The following CDON variants were observed in gnomAD, a reference collection of about 807,000 sequenced individuals.
CDON encodes cell adhesion molecule-related/down-regulated by oncogenes.
In CDON, 73 loss-of-function variants were observed where a neutral mutation model predicts 120.9. The ratio of observed to expected loss-of-function variants is 0.60; its 90% CI spans 0.50 to 0.73. The LOEUF is 0.73. Among genes scored for constraint, CDON ranks in the 30% least tolerant of loss-of-function variants. CDON has a pLI of 0.00. For missense variants in CDON, 1,470 were observed against 1,587.3 expected (o/e 0.93, Z 1.26); for synonymous variants, 566 against 573.5 (o/e 0.99, Z 0.19).
intron 1 of CDON, among the ~76,000 whole-genome samples, chr11:126,043,165 C>CA (rs1230687646): frequency 1.3e-5 from 2 of 152,166 alleles, no homozygotes; most frequent in Non-Finnish European, 2.9e-5. Context: ...TATAACTTTG[C>CA]AAAAAGCAAC....
chr11:126,044,354 C>A (rs930436493), intron 1 of CDON, among the ~76,000 whole-genome samples: 8 of 152,044 alleles, frequency 5.3e-5, no homozygotes, highest in Non-Finnish European at 8.8e-5. Flanking sequence ...TAACAGACTA[C>A]GGTAAGATCT....
intron 1 of CDON, among the ~76,000 whole-genome samples, chr11:126,058,272 T>C (rs993481511): frequency 5.3e-5 from 8 of 152,200 alleles, no homozygotes; most frequent in South Asian, 4.1e-4. Context: ...TTCCAACAGA[T>C]ATACAGCAGA....
At chr11:126,059,101 T>C (rs527921453) in intron 1 of CDON, among the ~76,000 whole-genome samples, 1 of 152,364 alleles carries the variant, frequency 6.6e-6, no homozygotes, top group Admixed American at 6.5e-5. Context: ...TGCAAAACCA[T>C]TTGTTTCACA....
At chr11:126,016,745 T>TA (rs1947479526) in intron 6 of CDON, among the ~76,000 whole-genome samples, 1 of 152,188 alleles carries the variant, frequency 6.6e-6, no homozygotes. Context: ...TACTCTGTCT[T>TA]AGTTACTATT....
chr11:126,023,304 T>G lies in CDON; in HGVS notation c.76+97A>C, dbSNP rs550636197. On this transcript the variant is annotated intron_variant, in intron 2 of 19. Transcript: ENST00000531738. ...AACCAATCTTAGAAACATCTTTAGA[T>G]AGCACCATTATCACAAAGCATTGAA... 8 of 840,730 alleles carry G rather than the reference T, an allele frequency of 9.5e-6. No homozygotes were observed. The South Asian group carries it at 1.1e-4, about 11-fold the overall frequency. 52.1% of individuals were successfully genotyped at this position (840,730 alleles called of 1,614,324 possible).
intron 5 of CDON, among the ~76,000 whole-genome samples, chr11:126,017,868 G>C (rs1205447941): frequency 6.6e-6 from 1 of 151,924 alleles, no homozygotes; most frequent in African/African-American, 2.4e-5. Flanking sequence ...CATTTTTAAA[G>C]CATGTACAGA....
At chr11:125,992,056 G>A (rs1211464493) in intron 14 of CDON, among the ~76,000 whole-genome samples, 1 of 152,152 alleles carries the variant, frequency 6.6e-6, no homozygotes, top group Non-Finnish European at 1.5e-5. Flanking sequence ...TGATGAGAGA[G>A]AGAAAAACAG....
chr11:125,977,090 A>C (rs1156348923), intron 18 of CDON, among the ~76,000 whole-genome samples: 1 of 152,218 alleles, frequency 6.6e-6, no homozygotes, highest in East Asian at 1.9e-4. Flanking sequence ...CCAGGTCTTT[A>C]GCACGTTGCC....
At chr11:126,050,228 C>CA (rs11439468) in intron 1 of CDON, among the ~76,000 whole-genome samples, 30,896 of 146,982 alleles carry the variant, frequency 0.21, 3,454 homozygotes, top group East Asian at 0.29. Flanking sequence ...AGCAAAAAAA[C>CA]AAAAAAAAAG....
chr11:126,049,453 C>T (rs898725069), intron 1 of CDON, among the ~76,000 whole-genome samples: 1 of 152,194 alleles, frequency 6.6e-6, no homozygotes, highest in African/African-American at 2.4e-5. Flanking sequence ...CACTCCACTG[C>T]TATTACAACT....
At chr11:126,033,964 T>A (rs1948022690) in intron 1 of CDON, among the ~76,000 whole-genome samples, 1 of 152,044 alleles carries the variant, frequency 6.6e-6, no homozygotes, top group Admixed American at 6.6e-5. Context: ...AACATATAAA[T>A]CTCATCAAAG....
At position 125,959,708 on chromosome 11, in the gene CDON, G is replaced by C. The variant is rs1021743258; in HGVS notation, c.*1234C>G. The C allele has an allele frequency of 1.1e-4, 16 of 152,124 alleles. No homozygotes were observed. Among genetic ancestry groups the C allele is most frequent in the African/African-American group, 3.9e-4 (16 of 41,412 alleles). The allele number at this position is 152,124 out of a possible 1,614,324, so 9.4% of individuals were successfully genotyped here. ...CAGGCCGTTGCCTATGCTGGAGATG[G>C]GGGATGACTAGTTTCGGCGTCATGG... On this transcript the variant is annotated 3_prime_UTR_variant, in exon 20 of 20. Coordinates refer to ENST00000531738, the MANE Select transcript of CDON (RefSeq NM_001378964.1).
intron 1 of CDON, among the ~76,000 whole-genome samples, chr11:126,052,434 AAGT>A (rs752523219): frequency 3.5e-4 from 53 of 152,370 alleles, no homozygotes; most frequent in Admixed American, 6.5e-4. Flanking sequence ...AAAATATGTT[AAGT>A]AGAGGTATAC....
chr11:126,017,255 T>C lies in CDON; in HGVS notation c.761A>G (p.Tyr254Cys). The C allele has an allele frequency of 2.5e-6, 4 of 1,614,042 alleles. No individual in the cohort carries two copies. In the South Asian group the frequency reaches 4.4e-5, roughly 18 times the overall value. ...AATGTCCTGCCCGTCCTTTAGCCAA[T>C]ACACTTGAGGAGCCGGGACCCCACT... ...VVSGVPAPQV[Y>C]WLKDGQDIAP... The change falls in exon 6 of 20, where the codon TAT becomes TGT. Residue 254 changes from tyrosine (Y) to cysteine (C), a missense_variant. Physicochemically the swap from Tyr to Cys is radical, Grantham distance 194. Transcript: ENST00000531738.
chr11:125,975,465 AACT>A (rs1396205535), intron 18 of CDON, among the ~76,000 whole-genome samples: 1 of 147,974 alleles, frequency 6.8e-6, no homozygotes, highest in African/African-American at 2.5e-5. Flanking sequence ...TTATTAAATA[AACT>A]ACTAAACCTT....
At chr11:125,993,540 T>C (rs11220307) in intron 14 of CDON, among the ~76,000 whole-genome samples, 43,910 of 152,078 alleles carry the variant, frequency 0.29, 6,475 homozygotes, top group South Asian at 0.34. Context: ...GGGGAAGTTA[T>C]GGGGAAGAGT....
At position 125,994,351 on chromosome 11, in the gene CDON, T is replaced by A; in HGVS notation, c.2583A>T (p.Gly861=). The change falls in exon 14 of 20, where the codon GGA becomes GGT. Residue 861 remains glycine (G), a synonymous_variant. Transcript: ENST00000531738. ...CTGTTGGTCGGTAATAGATATAAAATCCTTGAATGGGAGTGTTATTGTTAC... is the reference window on the plus strand; with the variant it reads ...CTGTTGGTCGGTAATAGATATAAAAACCTTGAATGGGAGTGTTATTGTTAC... ...PSSNNNTPIQ[G]FYIYYRPTDS... is the part of the protein sequence containing the mutation. The A allele has an allele frequency of 6.3e-7, 1 of 1,596,418 alleles. No homozygotes were observed. The highest frequency in any genetic ancestry group is 8.6e-7 in the Non-Finnish European group (1 of 1,163,980).
At chr11:125,966,218 T>C (rs1945797300) in intron 18 of CDON, among the ~76,000 whole-genome samples, 1 of 150,292 alleles carries the variant, frequency 6.7e-6, no homozygotes, top group Admixed American at 6.6e-5. Context: ...ATGCAGATAG[T>C]GAGTGAGCAA....
chr11:126,056,157 A>C (rs1444368716), intron 1 of CDON, among the ~76,000 whole-genome samples: 1 of 152,208 alleles, frequency 6.6e-6, no homozygotes, highest in Non-Finnish European at 1.5e-5. Flanking sequence ...TGCCATTACA[A>C]CACTTCCAGG....
Sources: allele counts gnomAD v4.1 joint callset (sites outside exome capture counted in the v4.1 genomes callset), GRCh38; gene constraint gnomAD v4.1.1; transcripts MANE v1.5; gene names NCBI Gene and HGNC (gene_info 2026-07-23, HGNC 2026-07-21).